CC2D1B: variants seen among roughly 807,000 people sequenced by gnomAD.
CC2D1B encodes coiled-coil and C2 domain-containing protein 1B.
A neutral mutation model predicts 110.8 loss-of-function variants in CC2D1B; 92 were observed. The observed-to-expected ratio is 0.83, with a 90% CI of 0.70 to 0.99. The LOEUF (loss-of-function observed/expected upper bound fraction) is 0.99. Ranked by LOEUF, CC2D1B falls within the 50% of genes least tolerant of loss-of-function variation. CC2D1B has a pLI of 0.00. For missense variants in CC2D1B, 1,136 were observed against 1,089.0 expected, an observed-to-expected ratio of 1.04 and a Z score of -0.61; for synonymous variants, 406 against 429.2, an observed-to-expected ratio of 0.95 and a Z score of 0.67.
chr1:52,358,032 G>A lies in CC2D1B; in HGVS notation c.1462-134C>T, dbSNP rs1569847188. The A allele has an allele frequency of 6.8e-6, 9 of 1,329,860 alleles. No individual in the cohort carries two copies. The East Asian group carries it at 1.9e-4, about 29-fold the overall frequency. The allele number at this position is 1,329,860 out of a possible 1,614,324, so 82.4% of individuals were successfully genotyped here. The stretch of plus-strand genomic sequence containing the variant: ...CTGAGATGGGTGGCTTCTCTTCCTG[G>A]GTCCTAAAAGATCTGAGAGCTAGAA... On this transcript the variant is annotated intron_variant, in intron 13 of 24. Coordinates refer to ENST00000284376, the MANE Select transcript of CC2D1B (RefSeq NM_001330585.2).
In CC2D1B at chr1:52,353,090, G is replaced by A. The variant is rs1433363056; in HGVS notation, c.*135C>T. The A allele has an allele frequency of 1.1e-6, 1 of 878,238 alleles. No individual in the cohort carries two copies. Among genetic ancestry groups the A allele is most frequent in the South Asian group, 1.4e-5 (1 of 72,188 alleles). The allele number at this position is 878,238 out of a possible 1,614,324, so 54.4% of individuals were successfully genotyped here. ...AAAGACCAGAGTCGTGGTCAGTAGT[G>A]CACATGCTTAACAGGTCTTTGGTGC... On this transcript the variant is annotated 3_prime_UTR_variant, in exon 25 of 25. Coordinates refer to ENST00000284376, the MANE Select transcript of CC2D1B (RefSeq NM_001330585.2).
intron 21 of CC2D1B, 168 bp from the exon 22 acceptor site, chr1:52,355,107 T>C: frequency 1.6e-6 from 1 of 641,524 alleles, no homozygotes; most frequent in Non-Finnish European, 2.8e-6. Context: ...GGAAGTGAGT[T>C]TTTGTACTCT....
chr1:52,362,658 A>G lies in CC2D1B; in HGVS notation c.158T>C (p.Leu53Pro). 1 of 1,614,198 alleles carries G rather than the reference A, an allele frequency of 6.2e-7. No homozygotes were observed. The highest frequency in any genetic ancestry group is 8.5e-7 in the Non-Finnish European group (1 of 1,180,034). Residue 53 changes from leucine to proline, a missense_variant, in exon 3 of 25, where the codon CTG (leucine) becomes CCG (proline). By Grantham distance (98) the Leu-to-Pro change is moderately conservative (BLOSUM62 -3). Coordinates refer to ENST00000284376, the MANE Select transcript of CC2D1B (RefSeq NM_001330585.2). ...GGTTTGTGCTTCCCCTGTGAGAGCC[A>G]GCAGCTCAGCCTCCAGGTCCTCATC... ...EDDEDLEAEL[L>P]ALTGEAQTTG...
intron 13 of CC2D1B, 36 bp from the exon 14 acceptor site, chr1:52,357,934 G>C: frequency 6.5e-7 from 1 of 1,528,554 alleles, no homozygotes; most frequent in South Asian, 1.3e-5. Flanking sequence ...GAGGGGATGT[G>C]TTCCCTAGCA....
chr1:52,356,439 A>G lies in CC2D1B; in HGVS notation c.1882T>C (p.Cys628Arg), dbSNP rs1646654092. The part of the protein sequence containing the change: ...QKMLLEQQEK[C>R]LLFSKQFMHQ... ...ATGAACTGCTTGGAGAACAGCAGGC[A>G]CTTCTGAAAATAGAGGCCCAGAGTG... The change falls in exon 17 of 25, where the codon TGC becomes CGC. Residue 628 changes from cysteine (C) to arginine (R), a missense_variant. Transcript: ENST00000284376. 2 of 1,614,046 alleles carry G rather than the reference A, an allele frequency of 1.2e-6. No individual in the cohort carries two copies. The highest frequency in any genetic ancestry group is 1.7e-6 in the Non-Finnish European group (2 of 1,180,026).
rs1054222854 is a variant in CC2D1B, at chr1:52,360,183, C to T, written c.654G>A (p.Glu218=). 6.2e-7 allele frequency: 1 copy of T among 1,614,038 alleles called. No homozygotes were observed. The highest frequency in any genetic ancestry group is 1.3e-5 in the African/African-American group (1 of 75,028). Residue 218 remains glutamate (E), a synonymous_variant, in exon 7 of 25, where the codon GAG becomes GAA. Transcript: ENST00000284376. ...ASVRRGRKIN[E]DEIPPPVALG... ...AGGCCACTGGAGGTGGGATCTCATC[C>T]TCATTGATCTTTCTGCCTCTCCTCA...
chr1:52,356,744 C>T (rs1646661573), intron 16 of CC2D1B: 6 of 598,766 alleles, frequency 1.0e-5, no homozygotes, highest in Admixed American at 9.0e-5. Context: ...TAGATAAATA[C>T]ATAAACATAC....
At chr1:52,364,460 T>TG in intron 2 of CC2D1B, 92 bp downstream of exon 2, 1 of 733,022 alleles carries the variant, frequency 1.4e-6, no homozygotes. Flanking sequence ...TCTGAACTAA[T>TG]GGGGGAACTA....
chr1:52,361,420 A>G (rs1186508143), intron 4 of CC2D1B, 93 bp downstream of exon 4: 2 of 1,578,080 alleles, frequency 1.3e-6, no homozygotes, highest in Non-Finnish European at 1.7e-6. Flanking sequence ...GTCAGAGAAT[A>G]CAGGGGCACC....
In CC2D1B at chr1:52,363,063, T is replaced by C. The variant is rs555544846; in HGVS notation, c.70-317A>G. ...TTCTTAGCGTTCTATGTGATTATCT[T>C]AACCACCTCAGTTAATTCTCACAAT... On this transcript the variant is annotated intron_variant, in intron 2 of 24. Coordinates refer to ENST00000284376, the MANE Select transcript of CC2D1B (RefSeq NM_001330585.2). 6.0e-4 allele frequency among the ~76,000 whole-genome samples: 91 copies of C among 152,340 alleles called. 3 individuals are homozygous for C. The South Asian group carries it at 0.018, about 29-fold the overall frequency.
intron 3 of CC2D1B, among the ~76,000 whole-genome samples, chr1:52,362,252 G>A (rs1646796293): frequency 6.6e-6 from 1 of 152,218 alleles, no homozygotes. Flanking sequence ...GGGCTGTGGA[G>A]GGAGATTCCA....
intron 2 of CC2D1B, among the ~76,000 whole-genome samples, chr1:52,363,390 G>A (rs977050835): frequency 2.9e-5 from 4 of 136,320 alleles, no homozygotes; most frequent in Non-Finnish European, 6.2e-5. Context: ...GCGAGACTCC[G>A]TCTCAAAAAA....
chr1:52,354,886 T>G lies in CC2D1B; in HGVS notation c.2293A>C (p.Arg765=). 2.5e-6 allele frequency: 4 copies of G among 1,614,208 alleles called. No individual in the cohort carries two copies. Among genetic ancestry groups the G allele is most frequent in the Non-Finnish European group, 3.4e-6 (4 of 1,180,038 alleles). The stretch of plus-strand genomic sequence containing the variant: ...TTGATGCCTTTGCTCTGGATCACCC[T>G]CTTGAAGCCCCGGTGGTTTCGGTTG... The part of the protein sequence containing the change: ...NINRNHRGFK[R]VIQSKGIKFE... Residue 765 remains arginine (R), a synonymous_variant, in exon 22 of 25, where the codon AGG becomes CGG. Transcript: ENST00000284376.
intron 7 of CC2D1B, 85 bp downstream of exon 7, chr1:52,359,989 T>C: frequency 6.5e-7 from 1 of 1,547,568 alleles, no homozygotes; most frequent in Non-Finnish European, 8.7e-7. Context: ...TGACCAATGG[T>C]AATGAACAGT....
Position 52,360,458 on chromosome 1 carries a change from G to A in CC2D1B, c.569C>T (p.Ala190Val), listed in dbSNP as rs748193745. 10 of 1,613,946 alleles carry A rather than the reference G, an allele frequency of 6.2e-6. No homozygotes were observed. The highest frequency in any genetic ancestry group is 8.5e-6 in the Non-Finnish European group (10 of 1,180,034). The part of the protein sequence containing the change: ...AAASAKEAGE[A>V]AKARRCERGL... ...GCGCTCGCAGCGCCTGGCTTTGGCT[G>A]CTTCGCCTGCCTCCTTGGCACTGGC... Residue 190 changes from alanine to valine, a missense_variant, in exon 6 of 25, where the codon GCA (alanine) becomes GTA (valine). Transcript: ENST00000284376.
chr1:52,362,587 T>TGAGTCCAAACTCACCCTGCCCC lies in CC2D1B; in HGVS notation c.214+14_214+15insGGGGCAGGGTGAGTTTGGACTC. On this transcript the variant is annotated intron_variant, in intron 3 of 24. Transcript: ENST00000284376. The stretch of plus-strand genomic sequence containing the variant: ...CTTGTCCCAGCACCAAGACCAGCCC[T>TGAGTCCAAACTCACCCTGCCCC]GTGTCCAAACTCACCCTGCCCCTTG... The TGAGTCCAAACTCACCCTGCCCC allele has an allele frequency of 6.2e-7, 1 of 1,614,108 alleles. No homozygotes were observed. Among genetic ancestry groups the TGAGTCCAAACTCACCCTGCCCC allele is most frequent in the Non-Finnish European group, 8.5e-7 (1 of 1,179,984 alleles).
In CC2D1B at chr1:52,357,915, G is replaced by A. The variant is rs771184785; in HGVS notation, c.1462-17C>T. ...GGGCTCACCCTGCAGGTGCCCAGGA[G>A]GCTGTTAGGAGGGGATGTGTTCCCT... On this transcript the variant is annotated splice_polypyrimidine_tract_variant and intron_variant, in intron 13 of 24. Coordinates refer to ENST00000284376, the MANE Select transcript of CC2D1B (RefSeq NM_001330585.2). 6.5e-7 allele frequency: 1 copy of A among 1,537,344 alleles called. No individual in the cohort carries two copies. The highest frequency in any genetic ancestry group is 8.7e-7 in the Non-Finnish European group (1 of 1,148,606).
rs771275776 is a variant in CC2D1B at position 52,359,063 on chromosome 1, G to A, written c.1221C>T (p.Asp407=). ...EAGIQARSGG[D]ERKARMHERI... is the part of the protein sequence containing the mutation. ...GCTCATGCATCCGAGCCTTGCGCTCGTCCCCACCACTCCGGGCCTGGATGC... is the reference window on the plus strand; with the variant it reads ...GCTCATGCATCCGAGCCTTGCGCTCATCCCCACCACTCCGGGCCTGGATGC... The change falls in exon 11 of 25, where the codon GAC becomes GAT. Residue 407 remains aspartate (D), a synonymous_variant. Coordinates refer to ENST00000284376, the MANE Select transcript of CC2D1B (RefSeq NM_001330585.2). The A allele has an allele frequency of 8.7e-6, 14 of 1,608,248 alleles. No homozygotes were observed. Among genetic ancestry groups the A allele is most frequent in the East Asian group, 4.5e-5 (2 of 44,886 alleles).
chr1:52,353,359 A>T (rs370715976), intron 24 of CC2D1B, 136 bp from the exon 25 acceptor site: 3 of 1,505,420 alleles, frequency 2.0e-6, no homozygotes, highest in Admixed American at 2.4e-5. Context: ...TCCCAGTTCT[A>T]CTGAGGAACA....
Sources: allele counts gnomAD v4.1 joint callset (sites outside exome capture counted in the v4.1 genomes callset), GRCh38; gene constraint gnomAD v4.1.1; transcripts MANE v1.5; gene names NCBI Gene and HGNC (gene_info 2026-07-23, HGNC 2026-07-21).